The following GRIP2 variants were observed in gnomAD, a reference collection of about 807,000 sequenced individuals.
The protein encoded by GRIP2 is glutamate receptor-interacting protein 2.
In GRIP2, 58 loss-of-function variants were observed where a neutral mutation model predicts 108.3. That is an observed-to-expected ratio of 0.54 (90% confidence interval 0.43 to 0.67). The LOEUF (loss-of-function observed/expected upper bound fraction) is 0.67. Among genes scored for constraint, GRIP2 ranks in the 30% least tolerant of loss-of-function variants. The pLI is 0.00. For synonymous variants in GRIP2, 586 were observed against 598.2 expected, an observed-to-expected ratio of 0.98 and a Z score of 0.30; for missense variants, 1,278 against 1,430.6, an observed-to-expected ratio of 0.89 and a Z score of 1.72.
At chr3:14,510,700 C>T (rs1207964168) in intron 16 of GRIP2, among the ~76,000 whole-genome samples, 1 of 152,198 alleles carries the variant, frequency 6.6e-6, no homozygotes, top group Non-Finnish European at 1.5e-5. Context: ...TGGCGCAGTC[C>T]TCACCCGTCC....
the GRIP2 span, among the ~76,000 whole-genome samples, chr3:14,575,229 G>A: frequency 6.6e-6 from 1 of 152,194 alleles, no homozygotes; most frequent in Non-Finnish European, 1.5e-5. Flanking sequence ...AACTAAAAGA[G>A]GAGAAAAAAG....
the GRIP2 span, among the ~76,000 whole-genome samples, chr3:14,569,907 A>G: frequency 4.5e-3 from 690 of 152,198 alleles, no homozygotes; most frequent in Non-Finnish European, 6.5e-3. Context: ...CACTTTATGT[A>G]TATGAACTCA....
chr3:14,525,649 C>T (rs535793572), intron 2 of GRIP2, 77 bp from the exon 3 acceptor site: 5 of 1,561,904 alleles, frequency 3.2e-6, no homozygotes, highest in South Asian at 1.1e-5. Flanking sequence ...ATAAGCGAGG[C>T]GAGCACCTGG....
Position 14,492,878 on chromosome 3 carries a change from C to A in GRIP2, c.*787G>T, listed in dbSNP as rs183612706. The A allele has an allele frequency of 1.3e-5, 2 of 152,254 alleles. No individual in the cohort carries two copies. Among genetic ancestry groups the A allele is most frequent in the African/African-American group, 4.8e-5 (2 of 41,454 alleles). 9.4% of individuals were successfully genotyped at this position (152,254 alleles called of 1,614,324 possible). Reference sequence around the variant, plus strand: ...AGAGCCTGCCCAATGGGCCCAGAACCACAGTCTCAAGTCCCAGAAGCTTCA... The same window carrying A: ...AGAGCCTGCCCAATGGGCCCAGAACAACAGTCTCAAGTCCCAGAAGCTTCA... On this transcript the variant is annotated 3_prime_UTR_variant, in exon 24 of 24. Coordinates refer to ENST00000621039, the MANE Select transcript of GRIP2 (RefSeq NM_001080423.4).
chr3:14,578,281 C>T, the GRIP2 span, among the ~76,000 whole-genome samples: 2 of 152,178 alleles, frequency 1.3e-5, no homozygotes, highest in Admixed American at 6.5e-5. Flanking sequence ...GCTACACCAC[C>T]ACCAGCTAGT....
chr3:14,549,023 C>T (rs1390778065), intron 1 of GRIP2, among the ~76,000 whole-genome samples: 1 of 152,196 alleles, frequency 6.6e-6, no homozygotes, highest in African/African-American at 2.4e-5. Context: ...TCCTCTCAGC[C>T]CTTCCTCCAC....
At position 14,511,939 on chromosome 3, in the gene GRIP2, T is replaced by A. The variant is rs1694108501; in HGVS notation, c.1721-460A>T. Among the ~76,000 whole-genome samples, 1 of 152,194 alleles carries A rather than the reference T, an allele frequency of 6.6e-6. No individual in the cohort carries two copies. Among genetic ancestry groups the A allele is most frequent in the African/African-American group, 2.4e-5 (1 of 41,432 alleles). On this transcript the variant is annotated intron_variant, in intron 14 of 23. Coordinates refer to ENST00000621039, the MANE Select transcript of GRIP2 (RefSeq NM_001080423.4). The surrounding 1 kb of genome is among the most constrained non-coding windows in gnomAD (Gnocchi z 4.1). ...AACAGACAGCAATCTCTCCCTGCCC[T>A]CCTGGAGCTGGCACTCCAGTGGTGG...
upstream of GRIP2, among the ~76,000 whole-genome samples, chr3:14,541,245 T>C (rs1391846235): frequency 6.6e-6 from 1 of 152,192 alleles, no homozygotes; most frequent in Non-Finnish European, 1.5e-5. Context: ...CAGTGTGTGC[T>C]GGCACCAACT....
At chr3:14,520,559 G>A (rs1694380534) in intron 7 of GRIP2, 22 bp from the exon 8 acceptor site, 1 of 1,613,160 alleles carries the variant, frequency 6.2e-7, no homozygotes, top group East Asian at 2.2e-5. Context: ...GAGAAAAAAA[G>A]TTTGAAATGC....
At chr3:14,532,351 T>C (rs1694730766) in intron 1 of GRIP2, among the ~76,000 whole-genome samples, 1 of 151,810 alleles carries the variant, frequency 6.6e-6, no homozygotes, top group African/African-American at 2.4e-5. Context: ...CAGGACTCAG[T>C]CTGGGCCAGC....
chr3:14,515,489 C>T (rs1325036107), intron 11 of GRIP2, among the ~76,000 whole-genome samples: 1 of 151,832 alleles, frequency 6.6e-6, no homozygotes, highest in Non-Finnish European at 1.5e-5. Context: ...TCCTGAAAGT[C>T]ATTTATTATT....
the GRIP2 span, among the ~76,000 whole-genome samples, chr3:14,602,652 C>G: frequency 6.6e-6 from 1 of 151,740 alleles, no homozygotes; most frequent in Non-Finnish European, 1.5e-5. The surrounding 1 kb of genome is among the most constrained non-coding windows in gnomAD (Gnocchi z 4.7). Context: ...GGCGGGCGCC[C>G]TGCCCCGGGT....
At chr3:14,495,654 C>T (rs1693578088) in intron 22 of GRIP2, among the ~76,000 whole-genome samples, 1 of 152,086 alleles carries the variant, frequency 6.6e-6, no homozygotes, top group African/African-American at 2.4e-5. Flanking sequence ...ATCCACCCAC[C>T]TCAGCCTCCC....
intron 16 of GRIP2, among the ~76,000 whole-genome samples, chr3:14,510,297 C>T (rs918252629): frequency 7.4e-6 from 1 of 135,822 alleles, no homozygotes; most frequent in Non-Finnish European, 1.5e-5. Flanking sequence ...GAGTCTTGCT[C>T]TGCTGCCCAG....
Position 14,489,797 on chromosome 3 carries a change from G to T in GRIP2, c.*3868C>A, listed in dbSNP as rs6794702. ...TAGCCTTGGGCTGACCTGCCAGAAGGGCAGAAAGCGGGTGGCGGAGTGGGG... is the reference window on the plus strand; with the variant it reads ...TAGCCTTGGGCTGACCTGCCAGAAGTGCAGAAAGCGGGTGGCGGAGTGGGG... On this transcript the variant is annotated 3_prime_UTR_variant, in exon 24 of 24. Coordinates refer to ENST00000621039, the MANE Select transcript of GRIP2 (RefSeq NM_001080423.4). The T allele has an allele frequency of 0.42, 64,026 of 152,036 alleles. 15,603 individuals are homozygous for T. The highest frequency in any genetic ancestry group is 0.66 in the African/African-American group (27,361 of 41,418). 9.4% of individuals were successfully genotyped at this position (152,036 alleles called of 1,614,324 possible).
upstream of GRIP2, among the ~76,000 whole-genome samples, chr3:14,544,873 G>T (rs143578225): frequency 6.4e-3 from 975 of 152,318 alleles, 8 homozygotes; most frequent in Non-Finnish European, 9.8e-3. Flanking sequence ...CCCCCTCTTA[G>T]GGGGCGCTGT....
At chr3:14,574,340 C>A in the GRIP2 span, 4 of 1,018,592 alleles carry the variant, frequency 3.9e-6, no homozygotes, top group Non-Finnish European at 6.0e-6. Context: ...GTTTGCGCAC[C>A]GGCACAGCGA....
intron 1 of GRIP2, among the ~76,000 whole-genome samples, chr3:14,549,426 G>A (rs1247810817): frequency 1.3e-5 from 2 of 152,216 alleles, no homozygotes; most frequent in African/African-American, 2.4e-5. Context: ...AGCCCTGGCA[G>A]GAGAGGCCAC....
chr3:14,549,712 C>G (rs1348583010), intron 1 of GRIP2, among the ~76,000 whole-genome samples: 1 of 152,226 alleles, frequency 6.6e-6, no homozygotes, highest in Admixed American at 6.5e-5. Context: ...CATACTACTT[C>G]TCACCTCTAG....
Sources: allele counts gnomAD v4.1 joint callset (sites outside exome capture counted in the v4.1 genomes callset), GRCh38; gene constraint gnomAD v4.1.1; non-coding constraint Gnocchi (gnomAD v3.1); transcripts MANE v1.5; gene names NCBI Gene and HGNC (gene_info 2026-07-23, HGNC 2026-07-21).